The following MACROD2 variants were observed in gnomAD, a reference collection of about 807,000 sequenced individuals.
MACROD2 encodes mono-ADP ribosylhydrolase 2.
A neutral mutation model predicts 70.4 loss-of-function variants in MACROD2; 36 were observed. That is an observed-to-expected ratio of 0.51 (90% confidence interval 0.39 to 0.68). The LOEUF (loss-of-function observed/expected upper bound fraction) is 0.68, where lower values mean the gene tolerates loss of function less well. MACROD2 is among the 30% of genes least tolerant of loss of function. MACROD2 has a pLI of 0.00. For missense variants in MACROD2, 496 were observed against 538.4 expected (o/e 0.92, Z 0.78); for synonymous variants, 172 against 178.8 (o/e 0.96, Z 0.30).
At chr20:14,654,111 TATA>T (rs1458792939) in intron 4 of MACROD2, among the ~76,000 whole-genome samples, 1 of 150,490 alleles carries the variant, frequency 6.6e-6, no homozygotes, top group Non-Finnish European at 1.5e-5. Flanking sequence ...CATAATATAT[TATA>T]ATAATTATTA....
intron 5 of MACROD2, among the ~76,000 whole-genome samples, chr20:15,170,467 G>T (rs2076415105): frequency 6.6e-6 from 1 of 152,176 alleles, no homozygotes; most frequent in African/African-American, 2.4e-5. Context: ...GAACTGTTGT[G>T]CTTGCATCTG....
chr20:15,453,907 T>C (rs1377218412), intron 7 of MACROD2, among the ~76,000 whole-genome samples: 1 of 152,142 alleles, frequency 6.6e-6, no homozygotes, highest in Non-Finnish European at 1.5e-5. Context: ...GGGAGGTCTC[T>C]AGGCAGCTGT....
intron 3 of MACROD2, among the ~76,000 whole-genome samples, chr20:14,120,610 A>G (rs2054574900): frequency 1.3e-5 from 2 of 151,816 alleles, no homozygotes; most frequent in African/African-American, 4.8e-5. Context: ...TAGCAAAGAC[A>G]TGGAACCAAC....
At chr20:15,942,360 T>C (rs974655536) in intron 12 of MACROD2, among the ~76,000 whole-genome samples, 1 of 152,136 alleles carries the variant, frequency 6.6e-6, no homozygotes, top group African/African-American at 2.4e-5. Context: ...GAATAATTCA[T>C]CCGGAATGCA....
At chr20:15,254,640 C>T (rs1373737981) in intron 6 of MACROD2, among the ~76,000 whole-genome samples, 1 of 152,068 alleles carries the variant, frequency 6.6e-6, no homozygotes, top group African/African-American at 2.4e-5. Context: ...CCTGAGTATA[C>T]CTGAGGGCAT....
intron 10 of MACROD2, among the ~76,000 whole-genome samples, chr20:15,931,806 T>C (rs2065582872): frequency 1.3e-5 from 2 of 152,150 alleles, no homozygotes; most frequent in Admixed American, 1.3e-4. Context: ...AAACTTTTTT[T>C]CCCCATTTAG....
At chr20:15,003,489 T>A (rs1365297020) in intron 5 of MACROD2, among the ~76,000 whole-genome samples, 2 of 152,194 alleles carry the variant, frequency 1.3e-5, no homozygotes, top group African/African-American at 4.8e-5. Context: ...CTAATAATAA[T>A]TGGGACAATT....
chr20:14,502,383 G>C (rs2084924113), intron 4 of MACROD2, among the ~76,000 whole-genome samples: 1 of 152,156 alleles, frequency 6.6e-6, no homozygotes, highest in East Asian at 1.9e-4. Flanking sequence ...AGATCTCCAG[G>C]GTCCTGTCAC....
intron 8 of MACROD2, among the ~76,000 whole-genome samples, chr20:15,609,044 C>T (rs1363658678): frequency 6.6e-6 from 1 of 152,148 alleles, no homozygotes; most frequent in African/African-American, 2.4e-5. Flanking sequence ...CTACATCCTG[C>T]TGTTCTTTCA....
intron 5 of MACROD2, among the ~76,000 whole-genome samples, chr20:14,859,080 G>T (rs1021718211): frequency 1.3e-5 from 2 of 151,994 alleles, no homozygotes; most frequent in Non-Finnish European, 2.9e-5. Context: ...TCAAGGGGAA[G>T]GTTGGGAGGG....
At chr20:15,449,873 G>A (rs183787947) in intron 7 of MACROD2, among the ~76,000 whole-genome samples, 2 of 152,200 alleles carry the variant, frequency 1.3e-5, no homozygotes, top group Admixed American at 6.5e-5. Flanking sequence ...TATGCCTATA[G>A]TCTCAGCTAC....
chr20:14,502,019 A>G (rs1207175002), intron 4 of MACROD2, among the ~76,000 whole-genome samples: 1 of 152,208 alleles, frequency 6.6e-6, no homozygotes, highest in Non-Finnish European at 1.5e-5. Context: ...AACTATAAAA[A>G]AGAGAAGTTT....
intron 8 of MACROD2, among the ~76,000 whole-genome samples, chr20:15,579,850 T>G (rs1193720004): frequency 2.0e-5 from 3 of 152,254 alleles, no homozygotes; most frequent in Admixed American, 1.3e-4. Flanking sequence ...CCCTCTCTTT[T>G]GCTGTCACAG....
chr20:14,439,621 C>G (rs1437696794), intron 3 of MACROD2, among the ~76,000 whole-genome samples: 1 of 152,056 alleles, frequency 6.6e-6, no homozygotes, highest in Non-Finnish European at 1.5e-5. Context: ...CTACTTATAG[C>G]TGTACAACTT....
chr20:14,638,248 A>G (rs1349299158), intron 4 of MACROD2, among the ~76,000 whole-genome samples: 1 of 152,178 alleles, frequency 6.6e-6, no homozygotes, highest in Non-Finnish European at 1.5e-5. Flanking sequence ...GATTTTTTAA[A>G]ATATTATTAC....
At chr20:14,313,577 A>T (rs2082586832) in intron 3 of MACROD2, among the ~76,000 whole-genome samples, 1 of 152,138 alleles carries the variant, frequency 6.6e-6, no homozygotes. Context: ...GAGGTGAGAA[A>T]CTTTAATGTG....
chr20:14,542,715 T>G (rs1281584117), intron 4 of MACROD2, among the ~76,000 whole-genome samples: 1 of 152,180 alleles, frequency 6.6e-6, no homozygotes, highest in Non-Finnish European at 1.5e-5. Flanking sequence ...TTAATAGATA[T>G]GTGATAAAAG....
chr20:15,012,559 C>T (rs919959553), intron 5 of MACROD2, among the ~76,000 whole-genome samples: 1 of 152,134 alleles, frequency 6.6e-6, no homozygotes, highest in Non-Finnish European at 1.5e-5. Context: ...AAGGAGTACA[C>T]TTTTAAAATG....
At chr20:15,678,128 G>T (rs773194242) in intron 8 of MACROD2, among the ~76,000 whole-genome samples, 12 of 152,094 alleles carry the variant, frequency 7.9e-5, no homozygotes, top group Non-Finnish European at 1.5e-4. Context: ...AGATTTACCT[G>T]GTTAAATAAC....
Sources: gnomAD v4.1 joint callset for allele counts (sites outside exome capture counted in the v4.1 genomes callset) on GRCh38, gnomAD v4.1.1 for gene constraint, MANE v1.5 for transcripts, NCBI Gene and HGNC (gene_info 2026-07-23, HGNC 2026-07-21) for gene names.